The following SLC7A8 variants were observed in gnomAD, a reference collection of about 807,000 sequenced individuals.
The protein encoded by SLC7A8 is solute carrier family 7 member 8, also known as large neutral amino acids transporter small subunit 2.
Under a neutral mutation model 51.2 loss-of-function variants are expected in SLC7A8, and 30 were observed. That is an observed-to-expected ratio of 0.59 (90% CI 0.44 to 0.80). The LOEUF (loss-of-function observed/expected upper bound fraction) is 0.80, where lower values mean the gene tolerates loss of function less well. SLC7A8 is among the 30% of genes least tolerant of loss of function. SLC7A8 has a pLI of 0.00. For synonymous variants in SLC7A8, 257 were observed against 275.8 expected (o/e 0.93, Z 0.67); for missense variants, 612 against 674.4 (o/e 0.91, Z 1.03).
chr14:23,140,631 A>G lies in SLC7A8; in HGVS notation c.635-7T>C, dbSNP rs1251516176. ...TCCAGCCAGAAGTACTCTCCTGTGG[A>G]CACAAGCAACAGGAGGCCGCTCAGT... On this transcript the variant is annotated splice_polypyrimidine_tract_variant and splice_region_variant and intron_variant, in intron 4 of 10. Coordinates refer to ENST00000316902, the MANE Select transcript of SLC7A8 (RefSeq NM_012244.4). 6.2e-7 allele frequency: 1 copy of G among 1,608,026 alleles called. No individual in the cohort carries two copies. The highest frequency in any genetic ancestry group is 1.3e-5 in the African/African-American group (1 of 74,928).
At chr14:23,162,118 ACCTCT>A (rs751104214) in intron 3 of SLC7A8, among the ~76,000 whole-genome samples, 27 of 151,952 alleles carry the variant, frequency 1.8e-4, no homozygotes, top group Non-Finnish European at 3.8e-4. Flanking sequence ...GGAAAACAGA[ACCTCT>A]GTACACAGAC....
At chr14:23,129,558 T>G in intron 9 of SLC7A8, 92 bp downstream of exon 9, 1 of 1,438,308 alleles carries the variant, frequency 7.0e-7, no homozygotes, top group Admixed American at 2.0e-5. Context: ...TGACGTGTGG[T>G]CAGCAGCTAA....
Position 23,128,028 on chromosome 14 carries a change from C to A in SLC7A8, c.1432G>T (p.Asp478Tyr). 6.2e-7 allele frequency: 1 copy of A among 1,613,746 alleles called. No individual in the cohort carries two copies. The highest frequency in any genetic ancestry group is 1.1e-5 in the South Asian group (1 of 90,990). The change falls in exon 10 of 11, where the codon GAC (aspartate) becomes TAC (tyrosine). Residue 478 changes from aspartate to tyrosine, a missense_variant. Coordinates refer to ENST00000316902, the MANE Select transcript of SLC7A8 (RefSeq NM_012244.4). The surrounding 1 kb of genome is among the most constrained non-coding windows in gnomAD (Gnocchi z 4.3). Reference sequence around the variant, plus strand: ...GCCTCCAACAACTCACCAATGAAGTCACTGAAACACTTGGGCTTGTGTTGC... The same window carrying A: ...GCCTCCAACAACTCACCAATGAAGTAACTGAAACACTTGGGCTTGTGTTGC... ...YWQHKPKCFS[D>Y]FIELLTLVSQ...
intron 3 of SLC7A8, among the ~76,000 whole-genome samples, chr14:23,153,573 T>C (rs960479215): frequency 8.5e-5 from 13 of 152,180 alleles, no homozygotes; most frequent in African/African-American, 2.4e-4. Context: ...GATGCCAATA[T>C]GGCAAAAGGG....
chr14:23,183,105 T>C lies in SLC7A8; in HGVS notation c.-191A>G, dbSNP rs1442940023. ...CCTACTCCGCATTCACACTTTCTGG[T>C]CACTCGCGTTTACAAACAAGAAAAG... On this transcript the variant is annotated 5_prime_UTR_variant, in exon 1 of 11. The change abolishes the stop of an existing upstream ORF in the 5' untranslated region. Transcript: ENST00000316902. The C allele has an allele frequency of 3.8e-5, 8 of 209,372 alleles. No homozygotes were observed. The highest frequency in any genetic ancestry group is 1.3e-4 in the African/African-American group (5 of 37,184). The allele number at this position is 209,372 out of a possible 1,614,324, so 13.0% of individuals were successfully genotyped here.
chr14:23,147,417 A>C (rs561903757), intron 3 of SLC7A8, among the ~76,000 whole-genome samples: 1 of 152,346 alleles, frequency 6.6e-6, no homozygotes, highest in East Asian at 1.9e-4. Flanking sequence ...TGGCAAAGCT[A>C]TTCACGGAAG....
At chr14:23,158,016 C>T (rs183239374) in intron 3 of SLC7A8, among the ~76,000 whole-genome samples, 28 of 152,220 alleles carry the variant, frequency 1.8e-4, no homozygotes, top group East Asian at 5.8e-4. Context: ...GTATTACCCG[C>T]GGCATCAATA....
rs377518623 is a variant in SLC7A8, at chr14:23,166,529, C to T, written c.163G>A (p.Gly55Ser). The T allele has an allele frequency of 5.6e-6, 9 of 1,613,956 alleles. No individual in the cohort carries two copies. The highest frequency in any genetic ancestry group is 2.2e-5 in the South Asian group (2 of 91,072). Residue 55 changes from glycine to serine, a missense_variant, in exon 2 of 11, where the codon GGC becomes AGC. By Grantham distance (56) the Gly-to-Ser change is moderately conservative. Coordinates refer to ENST00000316902, the MANE Select transcript of SLC7A8 (RefSeq NM_012244.4). ...TTTGGCGAGACAAAGATTCCAGAGC[C>T]GATGATGTTCCCTGCATGAGGCACC... is the stretch of plus-strand genomic sequence containing the variant. Reference protein sequence around the residue: ...ACGIIVGNIIGSGIFVSPKGV... With the variant: ...ACGIIVGNIISSGIFVSPKGV...
At chr14:23,146,222 A>T (rs114254603) in intron 3 of SLC7A8, among the ~76,000 whole-genome samples, 1 of 152,174 alleles carries the variant, frequency 6.6e-6, no homozygotes, top group African/African-American at 2.4e-5. Context: ...CAAACCCCAT[A>T]AGCCTCAGGG....
At chr14:23,169,537 G>C (rs1262665067) in intron 1 of SLC7A8, among the ~76,000 whole-genome samples, 1 of 152,094 alleles carries the variant, frequency 6.6e-6, no homozygotes. Context: ...CTCCCCAGTA[G>C]CTGGGATTAC....
rs1424357709 is a variant in SLC7A8, at chr14:23,140,456, G to T, written c.788+15C>A. ...CCTTCAAGGGAGAGGGAATAGCCAG[G>T]CTCTTTCAACTCACTTGTAGGGATC... On this transcript the variant is annotated intron_variant, in intron 5 of 10. Transcript: ENST00000316902. 1.9e-6 allele frequency: 3 copies of T among 1,589,304 alleles called. No individual in the cohort carries two copies. Among genetic ancestry groups the T allele is most frequent in the African/African-American group, 2.7e-5 (2 of 74,314 alleles).
chr14:23,166,687 A>G lies in SLC7A8; in HGVS notation c.152-147T>C, dbSNP rs1006110637. On this transcript the variant is annotated intron_variant, in intron 1 of 10. Coordinates refer to ENST00000316902, the MANE Select transcript of SLC7A8 (RefSeq NM_012244.4). ...GATCTGCAGGCAGGTGTGCCTAGCA[A>G]TAATTCTCCCTGAAGTAGGGGAAAG... 6 of 793,228 alleles carry G rather than the reference A, an allele frequency of 7.6e-6. No individual in the cohort carries two copies. The African/African-American group carries it at 1.0e-4, about 14-fold the overall frequency. 49.1% of individuals were successfully genotyped at this position (793,228 alleles called of 1,614,324 possible).
rs1037991703 is a variant in SLC7A8, at chr14:23,128,875, G to C, written c.1264-679C>G. ...CCTCTAGCAGATTTTCTAAGTGTGA[G>C]AGTAGAAAATGGCGGTGGAAATGCC... is the stretch of plus-strand genomic sequence containing the variant. On this transcript the variant is annotated intron_variant, in intron 9 of 10. Coordinates refer to ENST00000316902, the MANE Select transcript of SLC7A8 (RefSeq NM_012244.4). This position sits in a 1 kb window ranked among gnomAD's most constrained non-coding sequence, Gnocchi z 4.3. 3.3e-5 allele frequency among the ~76,000 whole-genome samples: 5 copies of C among 152,206 alleles called. No homozygotes were observed. The highest frequency in any genetic ancestry group is 1.2e-4 in the African/African-American group (5 of 41,424).
Position 23,128,265 on chromosome 14 carries a change from C to T in SLC7A8, c.1264-69G>A. On this transcript the variant is annotated intron_variant, in intron 9 of 10. Transcript: ENST00000316902. This position sits in a 1 kb window ranked among gnomAD's most constrained non-coding sequence, Gnocchi z 4.3. Reference sequence around the variant, plus strand: ...TGGCCCCCAGGACTAGGGACTGGGGCATTCTCTCTCTTCTTCACCCACAGA... The same window carrying T: ...TGGCCCCCAGGACTAGGGACTGGGGTATTCTCTCTCTTCTTCACCCACAGA... The T allele has an allele frequency of 6.3e-7, 1 of 1,590,334 alleles. No individual in the cohort carries two copies.
intron 3 of SLC7A8, among the ~76,000 whole-genome samples, chr14:23,160,701 G>A (rs1023644395): frequency 3.9e-5 from 6 of 152,114 alleles, no homozygotes; most frequent in Non-Finnish European, 7.3e-5. Context: ...ACTGGCCAGC[G>A]GCTGATGATA....
At chr14:23,157,143 TACA>T (rs1288694097) in intron 3 of SLC7A8, among the ~76,000 whole-genome samples, 6 of 152,220 alleles carry the variant, frequency 3.9e-5, no homozygotes, top group Non-Finnish European at 7.3e-5. Context: ...ATTCAGATGA[TACA>T]ACAATACGTA....
intron 7 of SLC7A8, among the ~76,000 whole-genome samples, chr14:23,131,946 A>G (rs1339533757): frequency 1.3e-5 from 2 of 151,638 alleles, no homozygotes; most frequent in Non-Finnish European, 1.5e-5. Flanking sequence ...AAGGATGCAG[A>G]TTCCCTAATA....
chr14:23,146,784 A>AG (rs2048798325), intron 3 of SLC7A8: 1 of 152,184 alleles, frequency 6.6e-6, no homozygotes, highest in Non-Finnish European at 1.5e-5. Flanking sequence ...GAGGGGAAAG[A>AG]GGGTATCAGT....
intron 1 of SLC7A8, among the ~76,000 whole-genome samples, chr14:23,172,225 C>T (rs1361580189): frequency 2.6e-5 from 4 of 152,100 alleles, no homozygotes; most frequent in Non-Finnish European, 5.9e-5. Flanking sequence ...GAGACCAGCC[C>T]TAGAAGAATT....
Sources: allele counts gnomAD v4.1 joint callset (sites outside exome capture counted in the v4.1 genomes callset), GRCh38; gene constraint gnomAD v4.1.1; non-coding constraint Gnocchi (gnomAD v3.1); transcripts MANE v1.5; gene names NCBI Gene and HGNC (gene_info 2026-07-23, HGNC 2026-07-21).